Variants in USP43 observed in about 807,000 individuals in gnomAD.
The protein encoded by USP43 is ubiquitin carboxyl-terminal hydrolase 43.
In USP43, 33 loss-of-function variants were observed where a neutral mutation model predicts 90.7. That is an observed-to-expected ratio of 0.36 (90% CI 0.28 to 0.49). The LOEUF (loss-of-function observed/expected upper bound fraction) is 0.49. Ranked by LOEUF, USP43 falls within the 20% of genes least tolerant of loss-of-function variation. USP43 has a pLI of 0.98. For missense variants in USP43, 1,274 were observed against 1,476.4 expected, an observed-to-expected ratio of 0.86 and a Z score of 2.25; for synonymous variants, 598 against 615.8, an observed-to-expected ratio of 0.97 and a Z score of 0.43.
intron 2 of USP43, among the ~76,000 whole-genome samples, chr17:9,666,292 C>T (rs930176741): frequency 6.6e-6 from 1 of 152,074 alleles, no homozygotes; most frequent in African/African-American, 2.4e-5. Flanking sequence ...CAAGCCCACC[C>T]AATAAATATA....
chr17:9,658,752 G>A (rs1358492851), intron 2 of USP43, among the ~76,000 whole-genome samples: 1 of 152,198 alleles, frequency 6.6e-6, no homozygotes, highest in Non-Finnish European at 1.5e-5. Flanking sequence ...TTTATAACTT[G>A]TGAGTCCAAG....
intron 13 of USP43, among the ~76,000 whole-genome samples, 152 bp from the exon 14 acceptor site, chr17:9,711,816 C>T (rs1021408893): frequency 6.6e-6 from 1 of 152,208 alleles, no homozygotes; most frequent in African/African-American, 2.4e-5. Context: ...TTTCCCCTCT[C>T]CTTGTTGACA....
intron 3 of USP43, among the ~76,000 whole-genome samples, chr17:9,667,870 T>C (rs1913148391): frequency 6.6e-6 from 1 of 152,220 alleles, no homozygotes; most frequent in Admixed American, 6.5e-5. Context: ...TGTCTATATA[T>C]ATTTTAAGCC....
chr17:9,676,985 G>C, intron 5 of USP43, 104 bp downstream of exon 5: 1 of 1,428,668 alleles, frequency 7.0e-7, no homozygotes, highest in Non-Finnish European at 9.4e-7. Flanking sequence ...GGTGACTCCA[G>C]TATGACTCAT....
At position 9,666,733 on chromosome 17, in the gene USP43, A is replaced by G; in HGVS notation, c.722A>G (p.His241Arg). The change falls in exon 3 of 15, where the codon CAC (histidine) becomes CGC (arginine). Residue 241 changes from histidine (H) to arginine (R), a missense_variant. Physicochemically the swap from His to Arg is conservative, Grantham distance 29. This residue lies in a region of USP43 where 259 missense variants were observed against 373.7 expected (regional missense o/e 0.69). Transcript: ENST00000285199. ...LPLGQSFVQS[H>R]FQAQYRSSLT... ...CTAGGTCAAAGCTTTGTGCAAAGCC[A>G]CTTTCAAGCACAATATAGGTAAGAT... 1.2e-6 allele frequency: 2 copies of G among 1,612,580 alleles called. No individual in the cohort carries two copies. The highest frequency in any genetic ancestry group is 1.7e-6 in the Non-Finnish European group (2 of 1,179,314).
chr17:9,706,954 T>G (rs1193641075), intron 12 of USP43, among the ~76,000 whole-genome samples: 3 of 152,098 alleles, frequency 2.0e-5, no homozygotes, highest in Non-Finnish European at 4.4e-5. Flanking sequence ...GGGATTTTTA[T>G]GACTAGAACT....
chr17:9,692,288 G>C (rs983795385), intron 8 of USP43, among the ~76,000 whole-genome samples: 3 of 152,034 alleles, frequency 2.0e-5, no homozygotes, highest in African/African-American at 7.2e-5. Context: ...GAACTCAGGA[G>C]GCAGAGGTTG....
intron 14 of USP43, among the ~76,000 whole-genome samples, chr17:9,721,710 G>A (rs919335189): frequency 6.7e-6 from 1 of 148,868 alleles, no homozygotes; most frequent in Non-Finnish European, 1.5e-5. Context: ...AAACCTTCCT[G>A]TATAGCTGTA....
At chr17:9,722,494 A>G (rs1233582320) in intron 14 of USP43, among the ~76,000 whole-genome samples, 1 of 152,186 alleles carries the variant, frequency 6.6e-6, no homozygotes, top group Non-Finnish European at 1.5e-5. Flanking sequence ...AAGATTTTAT[A>G]TGACTGTTTC....
intron 12 of USP43, among the ~76,000 whole-genome samples, chr17:9,708,926 C>T (rs1478380072): frequency 1.3e-5 from 2 of 152,124 alleles, no homozygotes; most frequent in African/African-American, 4.8e-5. Flanking sequence ...CACGCCCGGC[C>T]TGTTTTTTTT....
At chr17:9,647,075 A>AG (rs1182368986) in intron 1 of USP43, 8 of 148,924 alleles carry the variant, frequency 5.4e-5, no homozygotes, top group African/African-American at 2.0e-4. Context: ...AAAAAAAAAA[A>AG]AAAAAAGAAA....
chr17:9,667,234 C>T (rs558055927), intron 3 of USP43, among the ~76,000 whole-genome samples: 3 of 151,812 alleles, frequency 2.0e-5, no homozygotes, highest in South Asian at 4.2e-4. Flanking sequence ...AAAACCTAGC[C>T]GGGTGTGGCA....
At chr17:9,645,355 G>T, upstream of USP43, 1 of 241,534 alleles carries the variant, frequency 4.1e-6, no homozygotes, top group Non-Finnish European at 7.9e-6. The surrounding 1 kb of genome is among the most constrained non-coding windows in gnomAD (Gnocchi z 6.8). Context: ...AAGGAAGGGT[G>T]GGGAATCCGA....
chr17:9,702,616 T>TGAGTGTTTTCGGA (rs1555553059), intron 12 of USP43, among the ~76,000 whole-genome samples: 1 of 142,868 alleles, frequency 7.0e-6, no homozygotes, highest in African/African-American at 2.7e-5. Context: ...ATCATCCCTT[T>TGAGTGTTTTCGGA]GAGTGTTTTC....
At chr17:9,723,889 G>T (rs113514412) in intron 14 of USP43, among the ~76,000 whole-genome samples, 1 of 152,064 alleles carries the variant, frequency 6.6e-6, no homozygotes, top group South Asian at 2.1e-4. Context: ...GATTACAGGC[G>T]TGAGCCACCG....
chr17:9,689,008 G>C (rs1020642784), intron 8 of USP43, among the ~76,000 whole-genome samples: 3 of 152,040 alleles, frequency 2.0e-5, no homozygotes, highest in Non-Finnish European at 4.4e-5. Flanking sequence ...TTTTAGAAAT[G>C]GATCAAGCAA....
chr17:9,714,531 A>G (rs1916381432), intron 14 of USP43, among the ~76,000 whole-genome samples: 1 of 151,500 alleles, frequency 6.6e-6, no homozygotes, highest in Non-Finnish European at 1.5e-5. Flanking sequence ...AATACAAAAA[A>G]AATTAGCTGG....
intron 8 of USP43, among the ~76,000 whole-genome samples, chr17:9,691,251 A>G (rs1914933615): frequency 6.6e-6 from 1 of 151,566 alleles, no homozygotes; most frequent in African/African-American, 2.4e-5. Context: ...AGTAGCTGGG[A>G]TTACAGGCAC....
At chr17:9,648,007 C>T (rs778720767) in intron 1 of USP43, among the ~76,000 whole-genome samples, 32 of 152,134 alleles carry the variant, frequency 2.1e-4, no homozygotes, top group Non-Finnish European at 2.9e-4. Context: ...GGCAACAGAG[C>T]GAGACTCCGT....
Sources: gnomAD v4.1 joint callset for allele counts (sites outside exome capture counted in the v4.1 genomes callset) on GRCh38, gnomAD v4.1.1 for gene constraint, gnomAD v4.1.1 regional missense constraint, Gnocchi (gnomAD v3.1) non-coding constraint, MANE v1.5 for transcripts, NCBI Gene and HGNC (gene_info 2026-07-23, HGNC 2026-07-21) for gene names.